CFAP44: variants seen among roughly 807,000 people sequenced by gnomAD.
CFAP44 encodes the protein cilia and flagella associated protein 44, also known as cilia- and flagella-associated protein 44.
A neutral mutation model predicts 216.2 loss-of-function variants in CFAP44; 134 were observed. The observed-to-expected ratio is 0.62, with a 90% CI of 0.54 to 0.72. CFAP44 has a LOEUF of 0.72. Ranked by LOEUF, CFAP44 falls within the 30% of genes least tolerant of loss-of-function variation. CFAP44 has a pLI of 0.00. For missense variants in CFAP44, 2,035 were observed against 2,182.1 expected, an observed-to-expected ratio of 0.93 and a Z score of 1.34; for synonymous variants, 700 against 727.6, an observed-to-expected ratio of 0.96 and a Z score of 0.61.
intron 15 of CFAP44, among the ~76,000 whole-genome samples, chr3:113,393,968 A>C (rs1181193386): frequency 1.3e-5 from 2 of 152,216 alleles, no homozygotes; most frequent in Non-Finnish European, 2.9e-5. Flanking sequence ...GCCATGAGCC[A>C]AATTGCCCAG....
chr3:113,363,573 A>G, intron 19 of CFAP44, 41 bp from the exon 20 acceptor site: 1 of 1,517,056 alleles, frequency 6.6e-7, no homozygotes, highest in African/African-American at 1.4e-5. Flanking sequence ...TTAAAATTGC[A>G]TAGCATTTTC....
intron 6 of CFAP44, among the ~76,000 whole-genome samples, chr3:113,412,260 A>T (rs1164104118): frequency 1.3e-5 from 2 of 150,812 alleles, no homozygotes; most frequent in Non-Finnish European, 3.0e-5. Context: ...ATATTAGAAA[A>T]CCCCATCGTC....
chr3:113,310,383 T>C (rs975745044), intron 28 of CFAP44, among the ~76,000 whole-genome samples: 3 of 152,198 alleles, frequency 2.0e-5, no homozygotes, highest in Non-Finnish European at 2.9e-5. Context: ...CACCCATACA[T>C]AGCAGTATCA....
intron 1 of CFAP44, among the ~76,000 whole-genome samples, chr3:113,437,611 C>T (rs115468630): frequency 3.0e-4 from 45 of 152,206 alleles, no homozygotes; most frequent in African/African-American, 9.6e-4. Flanking sequence ...GGAATTTGCC[C>T]GGTGTTCTGA....
At position 113,344,640 on chromosome 3, in the gene CFAP44, G is replaced by A. The variant is rs1244517391; in HGVS notation, c.3138C>T (p.Tyr1046=). 1.3e-6 allele frequency: 2 copies of A among 1,536,950 alleles called. No homozygotes were observed. Among genetic ancestry groups the A allele is most frequent in the South Asian group, 2.4e-5 (2 of 83,996 alleles). Reference sequence around the variant, plus strand: ...AGTACTTAGAGGGCTGCACCAGCCTGTAAGAGGATATCTTGTGGTCACTCA... The same window carrying A: ...AGTACTTAGAGGGCTGCACCAGCCTATAAGAGGATATCTTGTGGTCACTCA... ...AILSDHKISS[Y]RLVQPSKYSK... The change falls in exon 23 of 35, where the codon TAC becomes TAT. Residue 1046 remains tyrosine, a synonymous_variant. Coordinates refer to ENST00000393845, the MANE Select transcript of CFAP44 (RefSeq NM_001164496.2).
intron 26 of CFAP44, among the ~76,000 whole-genome samples, 164 bp from the exon 27 acceptor site, chr3:113,327,983 TAA>T (rs1294757171): frequency 1.3e-5 from 2 of 152,178 alleles, no homozygotes; most frequent in Non-Finnish European, 2.9e-5. Context: ...TTAATGGCAT[TAA>T]GTTTACATAA....
At position 113,362,623 on chromosome 3, in the gene CFAP44, T is replaced by A. The variant is rs551286062; in HGVS notation, c.2934+522A>T. On this transcript the variant is annotated intron_variant, in intron 21 of 34. Coordinates refer to ENST00000393845, the MANE Select transcript of CFAP44 (RefSeq NM_001164496.2). ...TGGTAAGATCCATAGTTAACGCTCA[T>A]CACATATGTGCATCAGAGTGCAGGG... is the stretch of plus-strand genomic sequence containing the variant. Among the ~76,000 whole-genome samples the A allele has an allele frequency of 2.0e-5, 3 of 152,238 alleles. No individual in the cohort carries two copies. In the East Asian group the frequency reaches 5.8e-4, roughly 29 times the overall value.
chr3:113,410,668 T>C (rs1934440831), intron 6 of CFAP44, among the ~76,000 whole-genome samples: 1 of 152,224 alleles, frequency 6.6e-6, no homozygotes, highest in African/African-American at 2.4e-5. Flanking sequence ...TACCCAGTAA[T>C]GGGATGGCTG....
chr3:113,327,408 T>C (rs919572024), intron 27 of CFAP44, among the ~76,000 whole-genome samples: 5 of 150,710 alleles, frequency 3.3e-5, no homozygotes, highest in African/African-American at 1.2e-4. Flanking sequence ...AGACCAAATT[T>C]ACTAAAAAAT....
At chr3:113,409,078 T>C in intron 7 of CFAP44, 28 bp downstream of exon 7, 10 of 1,511,208 alleles carry the variant, frequency 6.6e-6, no homozygotes, top group Non-Finnish European at 9.1e-6. Context: ...TGATATCTAC[T>C]GGCACCTCTA....
intron 28 of CFAP44, among the ~76,000 whole-genome samples, chr3:113,317,604 C>T (rs1950100994): frequency 6.6e-6 from 1 of 152,220 alleles, no homozygotes; most frequent in Admixed American, 6.5e-5. Flanking sequence ...CTGACCCTGA[C>T]CCTGAATCTC....
In CFAP44 at chr3:113,433,552, T is replaced by TG. The variant is rs758579206; in HGVS notation, c.100+12_100+13insC. On this transcript the variant is annotated intron_variant, in intron 2 of 34. Coordinates refer to ENST00000393845, the MANE Select transcript of CFAP44 (RefSeq NM_001164496.2). ...TTAATACTTTTAAAAGTATACATAT[T>TG]ATCTTTACTTACATCTTGATTCTGA... 1 of 1,573,000 alleles carries TG rather than the reference T, an allele frequency of 6.4e-7. No homozygotes were observed. The highest frequency in any genetic ancestry group is 1.1e-5 in the South Asian group (1 of 90,112).
At chr3:113,340,959 G>T (rs1950327589) in intron 24 of CFAP44, among the ~76,000 whole-genome samples, 1 of 152,214 alleles carries the variant, frequency 6.6e-6, no homozygotes, top group Non-Finnish European at 1.5e-5. Context: ...GGCAGCCCCA[G>T]CCCGACTGTC....
At chr3:113,428,141 T>A (rs1388998203) in intron 2 of CFAP44, among the ~76,000 whole-genome samples, 1 of 152,180 alleles carries the variant, frequency 6.6e-6, no homozygotes, top group Non-Finnish European at 1.5e-5. Flanking sequence ...CCAAACAGAT[T>A]CCCCAAGAGG....
At chr3:113,365,665 T>C (rs1950580079) in intron 19 of CFAP44, among the ~76,000 whole-genome samples, 1 of 152,152 alleles carries the variant, frequency 6.6e-6, no homozygotes, top group Non-Finnish European at 1.5e-5. Context: ...TTATGGCATA[T>C]GTCCTATATC....
At chr3:113,338,845 G>A (rs1191198983) in intron 24 of CFAP44, among the ~76,000 whole-genome samples, 1 of 152,164 alleles carries the variant, frequency 6.6e-6, no homozygotes, top group Admixed American at 6.6e-5. Flanking sequence ...TTCTAAGAGG[G>A]GGCAAGTGAG....
intron 4 of CFAP44, among the ~76,000 whole-genome samples, chr3:113,422,310 T>C (rs1934838568): frequency 6.6e-6 from 1 of 152,090 alleles, no homozygotes; most frequent in South Asian, 2.1e-4. Flanking sequence ...TATTCATAAG[T>C]AAATAATAAT....
chr3:113,319,318 T>C (rs1950119772), intron 28 of CFAP44, among the ~76,000 whole-genome samples: 1 of 151,908 alleles, frequency 6.6e-6, no homozygotes, highest in African/African-American at 2.4e-5. Flanking sequence ...TTTAAACCAA[T>C]AAAAATTAAG....
chr3:113,360,388 G>A (rs1950528000), intron 21 of CFAP44: 3 of 228,100 alleles, frequency 1.3e-5, no homozygotes, highest in Middle Eastern at 1.0e-3. Flanking sequence ...TTGAGAATGA[G>A]TGGTGTCTAT....
Sources: gnomAD v4.1 joint callset for allele counts (sites outside exome capture counted in the v4.1 genomes callset) on GRCh38, gnomAD v4.1.1 for gene constraint, MANE v1.5 for transcripts, NCBI Gene and HGNC (gene_info 2026-07-23, HGNC 2026-07-21) for gene names.